The following LRRFIP2 variants were observed in gnomAD, a reference collection of about 807,000 sequenced individuals.
LRRFIP2 encodes the protein leucine-rich repeat flightless-interacting protein 2.
LRRFIP2 carries 109 observed loss-of-function variants against 125.9 expected under a neutral mutation model. The observed-to-expected ratio is 0.87, with a 90% CI of 0.74 to 1.01. The LOEUF is 1.01. Ranked by LOEUF, LRRFIP2 falls within the 50% of genes least tolerant of loss-of-function variation. The pLI, the probability that LRRFIP2 is intolerant of heterozygous loss-of-function variation, is 0.00. For missense variants in LRRFIP2, 850 were observed against 862.3 expected (o/e 0.99, Z 0.18); for synonymous variants, 291 against 293.1 (o/e 0.99, Z 0.07).
chr3:37,096,169 C>T (rs946587234), intron 16 of LRRFIP2, among the ~76,000 whole-genome samples: 4 of 152,134 alleles, frequency 2.6e-5, no homozygotes, highest in Non-Finnish European at 5.9e-5. Flanking sequence ...GATAAATCAT[C>T]TCCCTGACTT....
chr3:37,124,037 A>G (rs986309445), intron 4 of LRRFIP2, among the ~76,000 whole-genome samples: 1 of 152,218 alleles, frequency 6.6e-6, no homozygotes, highest in Admixed American at 6.5e-5. Flanking sequence ...CATACAGGTC[A>G]GTTAATTTGG....
chr3:37,135,178 AG>A, intron 2 of LRRFIP2: 1 of 988,256 alleles, frequency 1.0e-6, no homozygotes. Flanking sequence ...AAAAAAAAAA[AG>A]GCTGGGCACG....
At chr3:37,092,708 C>T (rs943701269) in intron 17 of LRRFIP2, among the ~76,000 whole-genome samples, 2 of 152,224 alleles carry the variant, frequency 1.3e-5, no homozygotes, top group African/African-American at 4.8e-5. Context: ...TCAATTAATA[C>T]TGTCACCTTC....
chr3:37,161,805 A>G (rs935286947), intron 1 of LRRFIP2, among the ~76,000 whole-genome samples: 17 of 151,986 alleles, frequency 1.1e-4, no homozygotes, highest in Non-Finnish European at 1.8e-4. Flanking sequence ...AAAAAAAAAA[A>G]AGAGAGAGAG....
intron 18 of LRRFIP2, among the ~76,000 whole-genome samples, chr3:37,085,044 C>A (rs1024656867): frequency 9.9e-5 from 15 of 152,232 alleles, no homozygotes; most frequent in African/African-American, 3.6e-4. Context: ...CAAGTGGATA[C>A]CCACAAACAA....
intron 2 of LRRFIP2, among the ~76,000 whole-genome samples, chr3:37,138,462 AG>A (rs2095611601): frequency 2.6e-5 from 4 of 152,242 alleles, no homozygotes; most frequent in Admixed American, 2.6e-4. Flanking sequence ...ATCTGAGAGG[AG>A]GAAAAGGGTA....
At chr3:37,116,502 G>C (rs1185427484) in intron 6 of LRRFIP2, among the ~76,000 whole-genome samples, 2 of 152,008 alleles carry the variant, frequency 1.3e-5, no homozygotes, top group African/African-American at 4.8e-5. Context: ...CAAAGTAAGT[G>C]CAAATATTAT....
At chr3:37,128,712 A>G (rs1359447568) in intron 3 of LRRFIP2, among the ~76,000 whole-genome samples, 1 of 152,166 alleles carries the variant, frequency 6.6e-6, no homozygotes, top group Non-Finnish European at 1.5e-5. Flanking sequence ...ATGACTTTAC[A>G]GTGTTTTACT....
Position 37,083,798 on chromosome 3 carries a change from C to G in LRRFIP2, c.1116G>C (p.Leu372Phe), listed in dbSNP as rs757271459. 3 of 1,588,308 alleles carry G rather than the reference C, an allele frequency of 1.9e-6. No individual in the cohort carries two copies. The highest frequency in any genetic ancestry group is 2.3e-5 in the South Asian group (2 of 85,164). The stretch of plus-strand genomic sequence containing the variant: ...TCTTGTATTTTTCTTCCACTTCAGA[C>G]AAAGATTCCTAAATGAGAGTTAAGT... ...MQGLKELKES[L>F]SEVEEKYKKA... Residue 372 changes from leucine to phenylalanine, a missense_variant, in exon 19 of 28, where the codon TTG becomes TTC. Coordinates refer to ENST00000336686, the MANE Select transcript of LRRFIP2 (RefSeq NM_006309.4).
chr3:37,101,002 T>A (rs1332786620), intron 15 of LRRFIP2, among the ~76,000 whole-genome samples: 1 of 152,178 alleles, frequency 6.6e-6, no homozygotes, highest in East Asian at 1.9e-4. Context: ...TTAAATACGA[T>A]CAGTGAAATG....
At chr3:37,063,884 A>T (rs879225778) in intron 23 of LRRFIP2, 93 bp from the exon 24 acceptor site, 2 of 836,390 alleles carry the variant, frequency 2.4e-6, no homozygotes, top group East Asian at 4.9e-5. Flanking sequence ...AGCTAATATT[A>T]TCTGATAAAT....
intron 6 of LRRFIP2, among the ~76,000 whole-genome samples, chr3:37,115,639 T>G (rs1437268013): frequency 1.3e-5 from 2 of 152,154 alleles, no homozygotes; most frequent in African/African-American, 4.8e-5. Context: ...AGAATGTCCT[T>G]CCTCAAGAAA....
chr3:37,134,947 TA>T, intron 2 of LRRFIP2: 1 of 1,442,496 alleles, frequency 6.9e-7, no homozygotes, highest in African/African-American at 1.4e-5. Context: ...TTGCCTGCTT[TA>T]AAACTATTTC....
chr3:37,148,809 A>G, intron 2 of LRRFIP2, 85 bp downstream of exon 2: 2 of 1,443,034 alleles, frequency 1.4e-6, no homozygotes, highest in Non-Finnish European at 1.9e-6. Context: ...TAGTTCAATG[A>G]GTAAACGTCT....
chr3:37,112,630 C>T (rs952857765), intron 8 of LRRFIP2, among the ~76,000 whole-genome samples: 7 of 152,096 alleles, frequency 4.6e-5, no homozygotes, highest in African/African-American at 1.7e-4. Context: ...GGATGAGAAT[C>T]TTACTAAACC....
chr3:37,096,551 G>A (rs1181971356), intron 16 of LRRFIP2, 65 bp downstream of exon 16: 4 of 982,446 alleles, frequency 4.1e-6, no homozygotes, highest in East Asian at 2.6e-5. Flanking sequence ...AATAAATAAT[G>A]AACAAGTTAC....
At chr3:37,114,580 C>T (rs916223809) in intron 7 of LRRFIP2, among the ~76,000 whole-genome samples, 10 of 151,950 alleles carry the variant, frequency 6.6e-5, no homozygotes, top group East Asian at 5.8e-4. Context: ...ACCAAAAGTT[C>T]GAGACCAGCC....
chr3:37,074,200 A>G (rs1483709804), intron 20 of LRRFIP2, among the ~76,000 whole-genome samples: 1 of 152,196 alleles, frequency 6.6e-6, no homozygotes, highest in African/African-American at 2.4e-5. Context: ...AGAGGGAGAG[A>G]AAAAGAAAGG....
intron 11 of LRRFIP2, 85 bp from the exon 12 acceptor site, chr3:37,108,769 C>A: frequency 8.6e-7 from 1 of 1,166,088 alleles, no homozygotes; most frequent in Non-Finnish European, 1.3e-6. Context: ...TACTCAGTAC[C>A]AAAAAAGTTT....
Sources: allele counts gnomAD v4.1 joint callset (sites outside exome capture counted in the v4.1 genomes callset), GRCh38; gene constraint gnomAD v4.1.1; transcripts MANE v1.5; gene names NCBI Gene and HGNC (gene_info 2026-07-23, HGNC 2026-07-21).